TAFA2: variants seen among roughly 807,000 people sequenced by gnomAD.
TAFA2 encodes the protein chemokine-like protein TAFA-2.
A neutral mutation model predicts 18.8 loss-of-function variants in TAFA2; 7 were observed. The observed-to-expected ratio is 0.37, with a 90% CI of 0.21 to 0.70. The LOEUF is 0.70. TAFA2 is among the 30% of genes least tolerant of loss of function. The pLI is 0.53. For missense variants in TAFA2, 122 were observed against 158.1 expected (o/e 0.77, Z 1.23); for synonymous variants, 60 against 54.2 (o/e 1.11, Z -0.47).
chr12:61,785,999 T>C (rs530186697), intron 2 of TAFA2, among the ~76,000 whole-genome samples: 2 of 151,434 alleles, frequency 1.3e-5, no homozygotes, highest in African/African-American at 4.8e-5. Flanking sequence ...TCAGCTAGAG[T>C]TCACAGAGAT....
At chr12:62,098,761 C>T (rs990149946) in intron 1 of TAFA2, among the ~76,000 whole-genome samples, 1 of 151,998 alleles carries the variant, frequency 6.6e-6, no homozygotes, top group Non-Finnish European at 1.5e-5. Context: ...GATCTGATAT[C>T]GAAATCCATC....
chr12:62,166,162 T>A, intron 1 of TAFA2, among the ~76,000 whole-genome samples: 1 of 152,138 alleles, frequency 6.6e-6, no homozygotes, highest in East Asian at 1.9e-4. Context: ...CTTTTATGTA[T>A]TTCTTATTCT....
chr12:62,033,630 T>C (rs1395040764), intron 1 of TAFA2, among the ~76,000 whole-genome samples: 2 of 152,142 alleles, frequency 1.3e-5, no homozygotes, highest in South Asian at 4.1e-4. Flanking sequence ...TCTATCACAA[T>C]ATGAAGAAAA....
intron 1 of TAFA2, among the ~76,000 whole-genome samples, chr12:62,213,032 A>G (rs2062720342): frequency 6.6e-6 from 1 of 152,198 alleles, no homozygotes; most frequent in African/African-American, 2.4e-5. Flanking sequence ...GAAATTATAT[A>G]AAATAGAGGC....
intron 1 of TAFA2, among the ~76,000 whole-genome samples, chr12:62,088,378 C>G (rs2136829738): frequency 6.6e-6 from 1 of 151,378 alleles, no homozygotes; most frequent in African/African-American, 2.4e-5. Flanking sequence ...TCAAGAAATA[C>G]AAGAGAAAAG....
At chr12:62,100,592 T>G (rs541420337) in intron 1 of TAFA2, among the ~76,000 whole-genome samples, 2 of 152,196 alleles carry the variant, frequency 1.3e-5, no homozygotes, top group Non-Finnish European at 2.9e-5. Context: ...GCCTATATCA[T>G]ACATCTCATC....
At chr12:61,957,709 C>G (rs1041869291) in intron 1 of TAFA2, among the ~76,000 whole-genome samples, 5 of 152,038 alleles carry the variant, frequency 3.3e-5, no homozygotes, top group Admixed American at 3.3e-4. Flanking sequence ...CTATACTCAG[C>G]TAAAAGTCCG....
At chr12:61,986,221 A>G (rs1879813502) in intron 1 of TAFA2, among the ~76,000 whole-genome samples, 1 of 132,114 alleles carries the variant, frequency 7.6e-6, no homozygotes, top group Non-Finnish European at 1.5e-5. Context: ...CTGGAGTTCA[A>G]TGGCATGATC....
intron 1 of TAFA2, among the ~76,000 whole-genome samples, chr12:61,954,584 T>C (rs1878587086): frequency 6.6e-6 from 1 of 152,120 alleles, no homozygotes; most frequent in Non-Finnish European, 1.5e-5. Flanking sequence ...TGCTTACAGA[T>C]ATATTGTTGG....
rs58660201 is a variant in TAFA2 at position 61,928,709 on chromosome 12, T to C, written c.-1-61283A>G. Among the ~76,000 whole-genome samples, 1,207 of 152,264 alleles carry C rather than the reference T, an allele frequency of 7.9e-3. 16 individuals carry two copies. Among genetic ancestry groups the C allele is most frequent in the African/African-American group, 0.028 (1,166 of 41,570 alleles). ...TAAATCATTCTACTAAAAAGACACA[T>C]GCACATGTATGTTTATTACAGCACT... On this transcript the variant is annotated intron_variant, in intron 1 of 4. Transcript: ENST00000416284.
chr12:62,035,605 T>A (rs1477703641), intron 1 of TAFA2, among the ~76,000 whole-genome samples: 1 of 150,886 alleles, frequency 6.6e-6, no homozygotes, highest in Non-Finnish European at 1.5e-5. Flanking sequence ...GAAGCTAGTG[T>A]GCCTGGAGTG....
chr12:62,185,403 T>C (rs558068069), intron 1 of TAFA2, among the ~76,000 whole-genome samples: 1 of 152,254 alleles, frequency 6.6e-6, no homozygotes, highest in East Asian at 1.9e-4. Flanking sequence ...GTTAGAGCTA[T>C]TTCACTCAAT....
chr12:62,050,910 A>G (rs1211537557), intron 1 of TAFA2, among the ~76,000 whole-genome samples: 1 of 152,176 alleles, frequency 6.6e-6, no homozygotes, highest in Non-Finnish European at 1.5e-5. Context: ...ACCTTTTACC[A>G]TCACATTACT....
chr12:61,746,619 T>C (rs915397833), intron 4 of TAFA2, among the ~76,000 whole-genome samples: 4 of 152,156 alleles, frequency 2.6e-5, no homozygotes, highest in Admixed American at 2.0e-4. Flanking sequence ...CCTGGACATC[T>C]GACCTAAAGA....
chr12:61,958,524 TAA>T (rs1878775486), intron 1 of TAFA2, among the ~76,000 whole-genome samples: 1 of 152,060 alleles, frequency 6.6e-6, no homozygotes, highest in African/African-American at 2.4e-5. Context: ...CTAGTATTTA[TAA>T]AGTTATATCT....
chr12:61,900,353 C>T (rs1876044877), intron 1 of TAFA2, among the ~76,000 whole-genome samples: 1 of 152,218 alleles, frequency 6.6e-6, no homozygotes, highest in South Asian at 2.1e-4. Flanking sequence ...TTACTCCACA[C>T]ATTGCCAACA....
chr12:62,021,488 TGTC>T, intron 1 of TAFA2: 1 of 549,108 alleles, frequency 1.8e-6, no homozygotes, highest in Non-Finnish European at 3.3e-6. Flanking sequence ...TTTTTTTTTC[TGTC>T]TTTGTACAAT....
At chr12:61,882,698 C>T (rs779372542) in intron 1 of TAFA2, among the ~76,000 whole-genome samples, 13 of 152,012 alleles carry the variant, frequency 8.6e-5, no homozygotes, top group East Asian at 3.9e-4. Flanking sequence ...CTTAAAAAAC[C>T]GCCTCACTTT....
chr12:61,752,025 T>C (rs918757404), intron 4 of TAFA2, among the ~76,000 whole-genome samples: 1 of 152,032 alleles, frequency 6.6e-6, no homozygotes. Context: ...TAGTACAAAG[T>C]ACAGGTTAAA....
Sources: allele counts gnomAD v4.1 joint callset (sites outside exome capture counted in the v4.1 genomes callset), GRCh38; gene constraint gnomAD v4.1.1; transcripts MANE v1.5; gene names NCBI Gene and HGNC (gene_info 2026-07-23, HGNC 2026-07-21).